PTGS1: variants seen among roughly 807,000 people sequenced by gnomAD.
PTGS1 encodes the protein prostaglandin G/H synthase 1.
A neutral mutation model predicts 63.0 loss-of-function variants in PTGS1; 40 were observed. The ratio of observed to expected loss-of-function variants is 0.63; its 90% CI spans 0.49 to 0.83. The LOEUF (loss-of-function observed/expected upper bound fraction) is 0.83, where lower values mean the gene tolerates loss of function less well. Among genes scored for constraint, PTGS1 ranks in the 40% least tolerant of loss-of-function variants. The pLI is 0.00. For synonymous variants in PTGS1, 298 were observed against 301.9 expected (o/e 0.99, Z 0.13); for missense variants, 709 against 786.5 (o/e 0.90, Z 1.18).
rs1205896659 is a variant in PTGS1, at chr9:122,386,688, G to A, written c.1252G>A (p.Val418Ile). ...CACCTCCATGTTGGTGGACTATGGG[G>A]TTGAGGCCCTGGTGGATGCCTTCTC... ...FNTSMLVDYGVEALVDAFSRQ... is the reference protein window; with the variant it reads ...FNTSMLVDYGIEALVDAFSRQ... Residue 418 changes from valine to isoleucine, a missense_variant, in exon 9 of 11, where the codon GTT becomes ATT. Transcript: ENST00000362012. The A allele has an allele frequency of 6.2e-7, 1 of 1,614,098 alleles. No individual in the cohort carries two copies. The highest frequency in any genetic ancestry group is 8.5e-7 in the Non-Finnish European group (1 of 1,180,060).
At position 122,383,691 on chromosome 9, in the gene PTGS1, G is replaced by A; in HGVS notation, c.945G>A (p.Leu315=). The A allele has an allele frequency of 6.2e-7, 1 of 1,614,072 alleles. No individual in the cohort carries two copies. Among genetic ancestry groups the A allele is most frequent in the Non-Finnish European group, 8.5e-7 (1 of 1,180,024 alleles). ...LREHNRVCDL[L]KAEHPTWGDE... ...AGCACAACCGTGTGTGTGACCTGCT[G>A]AAGGCTGAGCACCCCACCTGGGGCG... Residue 315 remains leucine (L), a synonymous_variant, in exon 8 of 11, where the codon CTG becomes CTA. Transcript: ENST00000362012.
rs1233085722 is a variant in PTGS1 at position 122,371,109 on chromosome 9, G to T, written c.7+18G>T. 6.2e-7 allele frequency: 1 copy of T among 1,604,088 alleles called. No individual in the cohort carries two copies. The highest frequency in any genetic ancestry group is 1.7e-5 in the Admixed American group (1 of 59,950). On this transcript the variant is annotated intron_variant, in intron 1 of 10. Coordinates refer to ENST00000362012, the MANE Select transcript of PTGS1 (RefSeq NM_000962.4). ...CATGAGCCGTGAGTGCGACCCCGGT[G>T]CCCGGTGGGGAATTTTCTTGGCCTC...
chr9:122,375,641 G>A (rs138803997), intron 2 of PTGS1, among the ~76,000 whole-genome samples: 8 of 152,238 alleles, frequency 5.3e-5, no homozygotes, highest in South Asian at 2.1e-4. Flanking sequence ...ATTGGAACCC[G>A]GAGCCAGGGC....
chr9:122,378,135 G>A, intron 3 of PTGS1, 120 bp downstream of exon 3: 1 of 1,015,992 alleles, frequency 9.8e-7, no homozygotes, highest in Non-Finnish European at 1.5e-6. Flanking sequence ...CTCCTTCCTT[G>A]CCTGGTTCTG....
Position 122,392,687 on chromosome 9 carries a change from AC to A in PTGS1, c.*146del. ...GTTGACATTTAGAACTTTAAGTCTC[AC>A]CCATTATCTGGAATATTGTGATTCT... On this transcript the variant is annotated 3_prime_UTR_variant, in exon 11 of 11. Coordinates refer to ENST00000362012, the MANE Select transcript of PTGS1 (RefSeq NM_000962.4). 1.5e-6 allele frequency: 1 copy of A among 660,298 alleles called. No homozygotes were observed. Among genetic ancestry groups the A allele is most frequent in the Non-Finnish European group, 2.5e-6 (1 of 395,968 alleles). The allele number at this position is 660,298 out of a possible 1,614,324, so 40.9% of individuals were successfully genotyped here.
intron 5 of PTGS1, among the ~76,000 whole-genome samples, chr9:122,379,677 C>T (rs550547570): frequency 6.6e-6 from 1 of 152,232 alleles, no homozygotes; most frequent in Non-Finnish European, 1.5e-5. Flanking sequence ...GACTATTCTA[C>T]CAGGATAGCT....
chr9:122,373,160 G>A (rs1836911171), intron 2 of PTGS1, among the ~76,000 whole-genome samples: 2 of 152,216 alleles, frequency 1.3e-5, no homozygotes, highest in South Asian at 4.1e-4. Context: ...CACCGTAAGG[G>A]TAATGTGGAG....
At chr9:122,383,033 T>C (rs1338222513) in intron 7 of PTGS1, among the ~76,000 whole-genome samples, 1 of 152,104 alleles carries the variant, frequency 6.6e-6, no homozygotes, top group Non-Finnish European at 1.5e-5. Context: ...ATGGGAGCGT[T>C]TGCTGAGCCT....
Position 122,394,206 on chromosome 9 carries a change from T to C in PTGS1, c.*1662T>C, listed in dbSNP as rs1450917078. ...TGAGACCCTTTTCTCAGGACCTCTG[T>C]AGGCAGCAGAGAGAGAGGACAGAGG... On this transcript the variant is annotated 3_prime_UTR_variant, in exon 11 of 11. Coordinates refer to ENST00000362012, the MANE Select transcript of PTGS1 (RefSeq NM_000962.4). 6.6e-6 allele frequency: 1 copy of C among 152,150 alleles called. No individual in the cohort carries two copies. Among genetic ancestry groups the C allele is most frequent in the Non-Finnish European group, 1.5e-5 (1 of 68,084 alleles). The allele number at this position is 152,150 out of a possible 1,614,324, so 9.4% of individuals were successfully genotyped here. A position where few individuals can be genotyped will look rare whatever the true frequency, so the allele number is the denominator to read the frequency against.
intron 7 of PTGS1, among the ~76,000 whole-genome samples, chr9:122,382,823 G>A (rs1192290688): frequency 6.6e-6 from 1 of 152,210 alleles, no homozygotes; most frequent in Non-Finnish European, 1.5e-5. Flanking sequence ...TGCCACCAAG[G>A]AGAAGCTGTG....
intron 2 of PTGS1, chr9:122,371,532 C>A: frequency 5.9e-6 from 8 of 1,347,542 alleles, no homozygotes; most frequent in Non-Finnish European, 4.9e-6. Flanking sequence ...AAGGGACAGT[C>A]CCTATCCATC....
chr9:122,386,833 C>T, intron 9 of PTGS1, 101 bp downstream of exon 9: 2 of 1,392,824 alleles, frequency 1.4e-6, no homozygotes, highest in South Asian at 1.4e-5. Context: ...GGGCTGATGT[C>T]ACTTCTACAG....
Position 122,383,589 on chromosome 9 carries a change from G to A in PTGS1, c.843G>A (p.Gln281=), listed in dbSNP as rs1490242392. The A allele has an allele frequency of 2.5e-6, 4 of 1,614,086 alleles. No individual in the cohort carries two copies. The highest frequency in any genetic ancestry group is 1.7e-6 in the Non-Finnish European group (2 of 1,180,036). The change falls in exon 8 of 11, where the codon CAG becomes CAA. Residue 281 remains glutamine (Q), a synonymous_variant. Transcript: ENST00000362012. ...ACTACCCCCGAGGCATCCCGCCCCAGAGCCAGATGGCTGTGGGCCAGGAGG... is the reference window on the plus strand; with the variant it reads ...ACTACCCCCGAGGCATCCCGCCCCAAAGCCAGATGGCTGTGGGCCAGGAGG... The part of the protein sequence containing the change: ...LMHYPRGIPP[Q]SQMAVGQEVF...
In PTGS1 at chr9:122,394,715, C is replaced by G. The variant is rs376817392; in HGVS notation, c.*2171C>G. ...GACACCCTCTCCTTAAAAACTGGCC[C>G]GTGGAGACTGAGATCACTGACTCTG... On this transcript the variant is annotated 3_prime_UTR_variant, in exon 11 of 11. Coordinates refer to ENST00000362012, the MANE Select transcript of PTGS1 (RefSeq NM_000962.4). The G allele has an allele frequency of 6.6e-6, 1 of 152,154 alleles. No individual in the cohort carries two copies. Among genetic ancestry groups the G allele is most frequent in the Non-Finnish European group, 1.5e-5 (1 of 68,090 alleles). 9.4% of individuals were successfully genotyped at this position (152,154 alleles called of 1,614,324 possible). A position where few individuals can be genotyped will look rare whatever the true frequency, so the allele number is the denominator to read the frequency against.
At chr9:122,385,281 A>G (rs1837808589) in intron 8 of PTGS1, among the ~76,000 whole-genome samples, 1 of 152,004 alleles carries the variant, frequency 6.6e-6, no homozygotes, top group Non-Finnish European at 1.5e-5. Context: ...TATAACACAC[A>G]TTTTACAGTT....
Position 122,392,208 on chromosome 9 carries a change from A to G in PTGS1, c.1464A>G (p.Ala488=). The change falls in exon 11 of 11, where the codon GCA becomes GCG. Residue 488 remains alanine, a synonymous_variant. Transcript: ENST00000362012. ...TTGTAGGAGAGAAGGAGATGGCAGC[A>G]GAGTTGGAGGAATTGTATGGAGACA... The part of the protein sequence containing the change: ...QELVGEKEMA[A]ELEELYGDID... 6.3e-7 allele frequency: 1 copy of G among 1,591,736 alleles called. No homozygotes were observed. The highest frequency in any genetic ancestry group is 8.6e-7 in the Non-Finnish European group (1 of 1,163,634).
At position 122,383,538 on chromosome 9, in the gene PTGS1, G is replaced by A. The variant is rs140368523; in HGVS notation, c.792G>A (p.Ser264=). The part of the protein sequence containing the change: ...QVLDGEMYPP[S]VEEAPVLMHY... ...TGGATGGAGAAATGTACCCGCCCTCGGTAGAAGAGGCGCCTGTGTTGATGC... is the reference window on the plus strand; with the variant it reads ...TGGATGGAGAAATGTACCCGCCCTCAGTAGAAGAGGCGCCTGTGTTGATGC... The change falls in exon 8 of 11, where the codon TCG becomes TCA. Residue 264 remains serine (S), a synonymous_variant. Transcript: ENST00000362012. 83 of 1,613,020 alleles carry A rather than the reference G, an allele frequency of 5.1e-5. No individual in the cohort carries two copies. The East Asian group carries it at 1.4e-3, about 26-fold the overall frequency.
chr9:122,378,512 G>T lies in PTGS1; in HGVS notation c.291G>T (p.Trp97Cys), dbSNP rs201321920. The change falls in exon 4 of 11, where the codon TGG (tryptophan) becomes TGT (cysteine). Residue 97 changes from tryptophan to cysteine, a missense_variant. Coordinates refer to ENST00000362012, the MANE Select transcript of PTGS1 (RefSeq NM_000962.4). ...FTHFLLTHGR[W>C]FWEFVNATFI... ...ACTTCCTGCTCACTCACGGGCGCTG[G>T]TTCTGGGAGTTTGTCAATGCCACCT... 10 of 1,614,102 alleles carry T rather than the reference G, an allele frequency of 6.2e-6. No homozygotes were observed. The African/African-American group carries it at 1.2e-4, about 19-fold the overall frequency.
intron 10 of PTGS1, among the ~76,000 whole-genome samples, chr9:122,391,630 A>G (rs12005866): frequency 0.11 from 15,981 of 151,172 alleles, 1,600 homozygotes; most frequent in African/African-American, 0.26. Flanking sequence ...GAACATGTGG[A>G]TATTGCAGAG....
Sources: gnomAD v4.1 joint callset for allele counts (sites outside exome capture counted in the v4.1 genomes callset) on GRCh38, gnomAD v4.1.1 for gene constraint, MANE v1.5 for transcripts, NCBI Gene and HGNC (gene_info 2026-07-23, HGNC 2026-07-21) for gene names.